GPC6: variants seen among roughly 807,000 people sequenced by gnomAD.
The protein encoded by GPC6 is glypican-6.
A neutral mutation model predicts 55.2 loss-of-function variants in GPC6; 14 were observed. That is an observed-to-expected ratio of 0.25 (90% CI 0.17 to 0.40). GPC6 has a LOEUF of 0.40. GPC6 is among the 10% of genes least tolerant of loss of function. The probability of loss-of-function intolerance (pLI) is 1.00; values close to 1 mark genes in which losing one functional copy is unlikely to be tolerated. For missense variants in GPC6, 641 were observed against 708.5 expected (o/e 0.90, Z 1.08); for synonymous variants, 278 against 259.6 (o/e 1.07, Z -0.68).
At chr13:94,000,013 G>C (rs993983287) in intron 3 of GPC6, among the ~76,000 whole-genome samples, 1 of 152,186 alleles carries the variant, frequency 6.6e-6, no homozygotes, top group African/African-American at 2.4e-5. Flanking sequence ...TTGGGAACCT[G>C]CAAATACTGG....
chr13:93,814,183 G>A (rs747810169), intron 2 of GPC6, among the ~76,000 whole-genome samples: 1 of 152,124 alleles, frequency 6.6e-6, no homozygotes, highest in African/African-American at 2.4e-5. Flanking sequence ...TTGAGGAATT[G>A]CTTTTATTCC....
intron 3 of GPC6, among the ~76,000 whole-genome samples, chr13:93,914,087 T>C (rs928061438): frequency 6.6e-6 from 1 of 152,206 alleles, no homozygotes; most frequent in African/African-American, 2.4e-5. Flanking sequence ...TTATTATACT[T>C]TAAGTTTTAG....
chr13:93,601,863 T>C (rs1878029578), intron 2 of GPC6, among the ~76,000 whole-genome samples: 1 of 152,248 alleles, frequency 6.6e-6, no homozygotes, highest in Non-Finnish European at 1.5e-5. Flanking sequence ...GTAAACTGTA[T>C]TTTAAAAATC....
At chr13:93,301,947 T>G (rs1878696648) in intron 1 of GPC6, among the ~76,000 whole-genome samples, 1 of 152,224 alleles carries the variant, frequency 6.6e-6, no homozygotes, top group South Asian at 2.1e-4. Context: ...GGAACAAGAT[T>G]GTATTCACAA....
intron 1 of GPC6, among the ~76,000 whole-genome samples, chr13:93,327,684 T>G (rs1879704359): frequency 6.6e-6 from 1 of 152,056 alleles, no homozygotes; most frequent in Non-Finnish European, 1.5e-5. Context: ...TATGATACAG[T>G]AATAAGTGTG....
intron 4 of GPC6, among the ~76,000 whole-genome samples, chr13:94,202,084 G>A (rs1326400305): frequency 6.6e-6 from 1 of 152,176 alleles, no homozygotes; most frequent in African/African-American, 2.4e-5. Flanking sequence ...TGTAGCTCTA[G>A]TTTTCTTCAA....
intron 4 of GPC6, among the ~76,000 whole-genome samples, chr13:94,096,307 T>C (rs922722304): frequency 1.3e-5 from 2 of 150,828 alleles, no homozygotes; most frequent in Non-Finnish European, 2.9e-5. Context: ...AATTTAAATA[T>C]GTTTCAGGAC....
intron 4 of GPC6, among the ~76,000 whole-genome samples, chr13:94,229,042 T>C (rs1017799899): frequency 6.6e-6 from 1 of 152,200 alleles, no homozygotes; most frequent in African/African-American, 2.4e-5. Flanking sequence ...TATGCTTTAT[T>C]TTACAATCCC....
At chr13:93,923,888 A>G (rs1279293160) in intron 3 of GPC6, among the ~76,000 whole-genome samples, 1 of 152,198 alleles carries the variant, frequency 6.6e-6, no homozygotes, top group African/African-American at 2.4e-5. Flanking sequence ...CTCATGATCT[A>G]TCCTCCTTAC....
chr13:93,514,313 C>T (rs571084421), intron 1 of GPC6, among the ~76,000 whole-genome samples: 1 of 152,250 alleles, frequency 6.6e-6, no homozygotes, highest in African/African-American at 2.4e-5. Flanking sequence ...TCCCAGAATA[C>T]AAGAAGAGTC....
intron 4 of GPC6, among the ~76,000 whole-genome samples, chr13:94,183,962 C>G (rs1889083524): frequency 1.3e-5 from 2 of 152,170 alleles, no homozygotes; most frequent in African/African-American, 4.8e-5. Context: ...TTACAACTCT[C>G]TGAACATCGA....
intron 6 of GPC6, among the ~76,000 whole-genome samples, chr13:94,359,052 G>A (rs1878936133): frequency 6.6e-6 from 1 of 152,146 alleles, no homozygotes; most frequent in South Asian, 2.1e-4. Flanking sequence ...TAATGGAGAA[G>A]GGGAACTTAC....
At chr13:93,337,937 T>C (rs1880105138) in intron 1 of GPC6, among the ~76,000 whole-genome samples, 1 of 152,204 alleles carries the variant, frequency 6.6e-6, no homozygotes, top group Non-Finnish European at 1.5e-5. Context: ...CAACCTCAGA[T>C]GGAGTGAAAT....
At chr13:93,609,898 C>T (rs776150547) in intron 2 of GPC6, among the ~76,000 whole-genome samples, 2 of 152,078 alleles carry the variant, frequency 1.3e-5, no homozygotes, top group Admixed American at 6.6e-5. Flanking sequence ...ATAAAGCAAC[C>T]GACAATACTT....
chr13:93,659,900 A>G (rs962989316), intron 2 of GPC6, among the ~76,000 whole-genome samples: 6 of 152,054 alleles, frequency 3.9e-5, no homozygotes, highest in African/African-American at 1.2e-4. Flanking sequence ...AAGGAAATAT[A>G]TATATGTGTG....
At chr13:93,517,514 C>T (rs1881247983) in intron 1 of GPC6, among the ~76,000 whole-genome samples, 1 of 151,976 alleles carries the variant, frequency 6.6e-6, no homozygotes, top group African/African-American at 2.4e-5. Context: ...ATTCTTTTTC[C>T]ATTCGCCATA....
intron 2 of GPC6, among the ~76,000 whole-genome samples, chr13:93,621,787 C>T (rs528352934): frequency 3.3e-5 from 5 of 152,136 alleles, no homozygotes; most frequent in South Asian, 2.1e-4. Context: ...TATTTTGTTA[C>T]GTACAAAGAC....
chr13:93,453,972 G>T (rs955677519), intron 1 of GPC6, among the ~76,000 whole-genome samples: 1 of 152,130 alleles, frequency 6.6e-6, no homozygotes, highest in Admixed American at 6.5e-5. Context: ...TGGTAGAGCG[G>T]AGTGGTCTGT....
chr13:94,197,988 A>G (rs550221968), intron 4 of GPC6, among the ~76,000 whole-genome samples: 27 of 152,340 alleles, frequency 1.8e-4, no homozygotes, highest in African/African-American at 6.5e-4. Flanking sequence ...CAAGAAAAAT[A>G]ATGTTTTGAT....
Sources: gnomAD v4.1 joint callset for allele counts (sites outside exome capture counted in the v4.1 genomes callset) on GRCh38, gnomAD v4.1.1 for gene constraint, MANE v1.5 for transcripts, NCBI Gene and HGNC (gene_info 2026-07-23, HGNC 2026-07-21) for gene names.